RTN4: variants seen among roughly 807,000 people sequenced by gnomAD.
RTN4 encodes the protein reticulon 4.
Under a neutral mutation model 90.4 loss-of-function variants are expected in RTN4, and 32 were observed. That is an observed-to-expected ratio of 0.35 (90% CI 0.27 to 0.48). RTN4 has a LOEUF of 0.48. RTN4 is among the 20% of genes least tolerant of loss of function. The pLI, the probability that RTN4 is intolerant of heterozygous loss-of-function variation, is 0.99. For synonymous variants in RTN4, 629 were observed against 552.5 expected, an observed-to-expected ratio of 1.14 and a Z score of -1.94; for missense variants, 1,706 against 1,430.2, an observed-to-expected ratio of 1.19 and a Z score of -3.11.
chr2:55,097,010 T>C (rs967075559), intron 1 of RTN4, among the ~76,000 whole-genome samples: 8 of 151,884 alleles, frequency 5.3e-5, no homozygotes, highest in African/African-American at 1.9e-4. Flanking sequence ...CCCCTCACTG[T>C]GGCCCCAGTA....
intron 1 of RTN4, among the ~76,000 whole-genome samples, chr2:55,081,725 T>C (rs1668722432): frequency 6.6e-6 from 1 of 151,932 alleles, no homozygotes; most frequent in Admixed American, 6.6e-5. Context: ...TACCTGAGCA[T>C]GATAGTGCAT....
At chr2:55,037,923 G>A (rs1682801331) in intron 1 of RTN4, among the ~76,000 whole-genome samples, 1 of 152,146 alleles carries the variant, frequency 6.6e-6, no homozygotes, top group South Asian at 2.1e-4. Flanking sequence ...ATCAAGTATT[G>A]GCATAAGGAT....
chr2:55,041,829 G>A (rs1327963299), intron 1 of RTN4, among the ~76,000 whole-genome samples: 2 of 151,944 alleles, frequency 1.3e-5, no homozygotes, highest in Non-Finnish European at 2.9e-5. Context: ...AAAACTCAAT[G>A]ACTTTTTTCA....
intron 1 of RTN4, among the ~76,000 whole-genome samples, chr2:55,100,377 A>G (rs1667830916): frequency 6.6e-6 from 1 of 152,148 alleles, no homozygotes; most frequent in Admixed American, 6.5e-5. Flanking sequence ...GAATTACAAG[A>G]CATATCCCAG....
Position 55,098,615 on chromosome 2 carries a change from C to T in RTN4, c.-214+13905G>A, listed in dbSNP as rs115143863. On this transcript the variant is annotated intron_variant, in intron 1 of 3. Coordinates refer to the RTN4 transcript ENST00000427710. Reference sequence around the variant, plus strand: ...AAAAATAACAATAATCTCTTAACATCAATATCGAGTCATTGTTCAAATGAC... The same window carrying T: ...AAAAATAACAATAATCTCTTAACATTAATATCGAGTCATTGTTCAAATGAC... 6.0e-3 allele frequency among the ~76,000 whole-genome samples: 907 copies of T among 152,138 alleles called. 15 individuals carry two copies. Among genetic ancestry groups the T allele is most frequent in the African/African-American group, 0.021 (867 of 41,468 alleles).
chr2:55,006,264 T>C (rs745376887), intron 3 of RTN4, among the ~76,000 whole-genome samples: 13 of 152,078 alleles, frequency 8.5e-5, no homozygotes, highest in Non-Finnish European at 1.9e-4. Flanking sequence ...ATCTAGAAAA[T>C]GTATCTAATG....
At chr2:55,111,471 A>G (rs912791010) in intron 1 of RTN4, among the ~76,000 whole-genome samples, 1 of 152,248 alleles carries the variant, frequency 6.6e-6, no homozygotes, top group Non-Finnish European at 1.5e-5. Context: ...AACCTCAGAC[A>G]GAAATAAATG....
intron 1 of RTN4, among the ~76,000 whole-genome samples, chr2:55,101,966 A>C (rs1346784257): frequency 6.6e-6 from 1 of 152,150 alleles, no homozygotes; most frequent in East Asian, 1.9e-4. Flanking sequence ...AAGGAAAAAT[A>C]GAGTGAAATC....
intron 3 of RTN4, among the ~76,000 whole-genome samples, chr2:54,990,527 T>C (rs567839293): frequency 5.3e-5 from 8 of 152,336 alleles, no homozygotes; most frequent in African/African-American, 1.9e-4. Context: ...GTCAGTGCTA[T>C]TTGTTGCTGT....
chr2:55,086,707 C>T (rs1317783362), intron 1 of RTN4, among the ~76,000 whole-genome samples: 1 of 151,950 alleles, frequency 6.6e-6, no homozygotes, highest in Non-Finnish European at 1.5e-5. Context: ...ATAATAATAA[C>T]ATCAGTATCT....
At position 54,973,076 on chromosome 2, in the gene RTN4, G is replaced by C; in HGVS notation, c.*80C>G. On this transcript the variant is annotated 3_prime_UTR_variant, in exon 9 of 9. Coordinates refer to ENST00000337526, the MANE Select transcript of RTN4 (RefSeq NM_020532.5). ...AAACTGCACTGCAACGTCAAGGTTC[G>C]TTCTTCCCTGACCCTCCCCCGTATA... 2.5e-6 allele frequency: 3 copies of C among 1,206,604 alleles called. No individual in the cohort carries two copies. The highest frequency in any genetic ancestry group is 2.4e-5 in the East Asian group (1 of 42,028). 74.7% of individuals were successfully genotyped at this position (1,206,604 alleles called of 1,614,324 possible).
intron 3 of RTN4, among the ~76,000 whole-genome samples, chr2:55,000,574 T>C (rs1679784380): frequency 6.6e-6 from 1 of 152,200 alleles, no homozygotes; most frequent in Non-Finnish European, 1.5e-5. Flanking sequence ...GTACATTGTA[T>C]ACATTACCTC....
Position 55,050,269 on chromosome 2 carries a change from G to A in RTN4, c.32C>T (p.Ser11Leu). 2 of 1,490,602 alleles carry A rather than the reference G, an allele frequency of 1.3e-6. No individual in the cohort carries two copies. Among genetic ancestry groups the A allele is most frequent in the South Asian group, 2.7e-5 (2 of 75,188 alleles). The allele number at this position is 1,490,602 out of a possible 1,614,324, so 92.3% of individuals were successfully genotyped here. A position where few individuals can be genotyped will look rare whatever the true frequency, so the allele number is the denominator to read the frequency against. Residue 11 changes from serine (S) to leucine (L), a missense_variant, in exon 1 of 9, where the codon TCG (serine) becomes TTG (leucine). By Grantham distance (145) the Ser-to-Leu change is moderately radical (BLOSUM62 -2). Transcript: ENST00000337526. The surrounding 1 kb of genome is among the most constrained non-coding windows in gnomAD (Gnocchi z 4.6). ...CGGCCGGGGTGGGCTGTCCGAGGAC[G>A]AGACCAGAGGAGACTGGTCCAGGTC... MEDLDQSPLV[S>L]SSDSPPRPQP... is the part of the protein sequence containing the mutation.
upstream of RTN4, among the ~76,000 whole-genome samples, chr2:55,115,672 T>G (rs879636342): frequency 6.6e-6 from 1 of 152,226 alleles, no homozygotes; most frequent in Non-Finnish European, 1.5e-5. Flanking sequence ...AGTAGTCTAT[T>G]CCGGGGCACT....
chr2:55,121,773 T>A, the RTN4 span, among the ~76,000 whole-genome samples: 1 of 152,236 alleles, frequency 6.6e-6, no homozygotes, highest in East Asian at 1.9e-4. Context: ...TTTTCTTTTT[T>A]ATAAAATAAC....
chr2:54,991,985 T>A (rs1679047104), intron 3 of RTN4, among the ~76,000 whole-genome samples: 1 of 152,170 alleles, frequency 6.6e-6, no homozygotes, highest in Non-Finnish European at 1.5e-5. Context: ...TCTCCACACC[T>A]CCTTTATGCC....
intron 2 of RTN4, 106 bp from the exon 3 acceptor site, chr2:55,027,591 CT>C: frequency 8.6e-7 from 1 of 1,159,046 alleles, no homozygotes; most frequent in South Asian, 1.6e-5. Flanking sequence ...TTACTGTTTA[CT>C]AAAATGAAAT....
intron 1 of RTN4, among the ~76,000 whole-genome samples, chr2:55,085,574 A>G (rs1035290273): frequency 6.6e-6 from 1 of 152,216 alleles, no homozygotes; most frequent in African/African-American, 2.4e-5. Context: ...CAAAGCTGAC[A>G]ATTTAGATGC....
intron 1 of RTN4, among the ~76,000 whole-genome samples, chr2:55,039,916 A>G (rs1057508247): frequency 6.6e-6 from 1 of 152,208 alleles, no homozygotes. Context: ...GAGTCTATCA[A>G]TCTTAAACTT....
Sources: gnomAD v4.1 joint callset for allele counts (sites outside exome capture counted in the v4.1 genomes callset) on GRCh38, gnomAD v4.1.1 for gene constraint, Gnocchi (gnomAD v3.1) non-coding constraint, MANE v1.5 for transcripts, NCBI Gene and HGNC (gene_info 2026-07-23, HGNC 2026-07-21) for gene names.